Variants in TMEM237 observed in about 807,000 individuals in gnomAD.
TMEM237 encodes transmembrane protein 237.
TMEM237 carries 51 observed loss-of-function variants against 59.1 expected under a neutral mutation model. That is an observed-to-expected ratio of 0.86 (90% confidence interval 0.69 to 1.09). TMEM237 has a LOEUF of 1.09. Among genes scored for constraint, TMEM237 ranks in the 50% least tolerant of loss-of-function variants. The pLI, the probability that TMEM237 is intolerant of heterozygous loss-of-function variation, is 0.00. For missense variants in TMEM237, 475 were observed against 478.3 expected, an observed-to-expected ratio of 0.99 and a Z score of 0.06; for synonymous variants, 140 against 166.1, an observed-to-expected ratio of 0.84 and a Z score of 1.21.
In TMEM237 at chr2:201,624,106, T is replaced by A; in HGVS notation, c.*149A>T. 2.0e-6 allele frequency: 1 copy of A among 500,100 alleles called. No homozygotes were observed. Among genetic ancestry groups the A allele is most frequent in the Non-Finnish European group, 3.4e-6 (1 of 292,748 alleles). 31.0% of individuals were successfully genotyped at this position (500,100 alleles called of 1,614,324 possible). On this transcript the variant is annotated 3_prime_UTR_variant, in exon 13 of 13. Coordinates refer to ENST00000409883, the MANE Select transcript of TMEM237 (RefSeq NM_001044385.3). Reference sequence around the variant, plus strand: ...TAGACATAAACAGCAAACACAATTTTAACATTTTTCATAATATTGAGAGAT... The same window carrying A: ...TAGACATAAACAGCAAACACAATTTAAACATTTTTCATAATATTGAGAGAT...
At chr2:201,626,221 C>T (rs928864245) in intron 11 of TMEM237, 74 bp from the exon 12 acceptor site, 31 of 1,504,342 alleles carry the variant, frequency 2.1e-5, no homozygotes, top group Middle Eastern at 1.7e-4. Context: ...ATTTTATGAA[C>T]TTTAAGAAAA....
At chr2:201,642,661 C>T (rs954081595) in intron 1 of TMEM237, 14 of 1,607,886 alleles carry the variant, frequency 8.7e-6, no homozygotes, top group Non-Finnish European at 1.1e-5. Context: ...CCGCCGGCCC[C>T]CAAGCACCTG....
chr2:201,642,664 AG>A (rs1164872545), intron 1 of TMEM237: 2 of 1,607,374 alleles, frequency 1.2e-6, no homozygotes, highest in Non-Finnish European at 1.7e-6. Context: ...CCGGCCCCCA[AG>A]CACCTGGCGC....
rs1443411958 is a variant in TMEM237, at chr2:201,640,272, C to A, written c.75-7G>T. ...TTAAACTAACTCACCTTGACTAACACGTCATATAACACCAAACAAATTTAA... is the reference window on the plus strand; with the variant it reads ...TTAAACTAACTCACCTTGACTAACAAGTCATATAACACCAAACAAATTTAA... On this transcript the variant is annotated splice_polypyrimidine_tract_variant and splice_region_variant and intron_variant, in intron 2 of 12. Transcript: ENST00000409883. The A allele has an allele frequency of 4.5e-6, 7 of 1,549,544 alleles. No individual in the cohort carries two copies. Among genetic ancestry groups the A allele is most frequent in the African/African-American group, 1.4e-5 (1 of 72,530 alleles).
intron 4 of TMEM237, among the ~76,000 whole-genome samples, chr2:201,637,102 G>GA (rs1687309396): frequency 6.6e-6 from 1 of 152,166 alleles, no homozygotes; most frequent in East Asian, 1.9e-4. Flanking sequence ...GGCTGAGGAA[G>GA]AAAAAACGAG....
In TMEM237 at chr2:201,623,233, T is replaced by C. The variant is rs1156682718; in HGVS notation, c.*1022A>G. On this transcript the variant is annotated 3_prime_UTR_variant, in exon 13 of 13. Transcript: ENST00000409883. The stretch of plus-strand genomic sequence containing the variant: ...AGGGCAGGCTCAATAGTTTTATTGA[T>C]GTGCTCAACAGCCTTTGAAACATTT... 3 of 440,884 alleles carry C rather than the reference T, an allele frequency of 6.8e-6. No individual in the cohort carries two copies. Among genetic ancestry groups the C allele is most frequent in the Non-Finnish European group, 1.4e-5 (3 of 218,640 alleles). The allele number at this position is 440,884 out of a possible 1,614,324, so 27.3% of individuals were successfully genotyped here.
At position 201,633,299 on chromosome 2, in the gene TMEM237, A is replaced by G; in HGVS notation, c.395+12T>C. 1 of 1,594,240 alleles carries G rather than the reference A, an allele frequency of 6.3e-7. No homozygotes were observed. The highest frequency in any genetic ancestry group is 8.5e-7 in the Non-Finnish European group (1 of 1,170,454). On this transcript the variant is annotated intron_variant, in intron 6 of 12. Transcript: ENST00000409883. ...TCCTGGAGAATAGTTAGAAGAATAAATAAATTCCTACTTTGTCTTCCTCCG... is the reference window on the plus strand; with the variant it reads ...TCCTGGAGAATAGTTAGAAGAATAAGTAAATTCCTACTTTGTCTTCCTCCG...
chr2:201,627,765 ATT>A (rs1192587275), intron 10 of TMEM237, among the ~76,000 whole-genome samples: 1 of 152,182 alleles, frequency 6.6e-6, no homozygotes, highest in African/African-American at 2.4e-5. Flanking sequence ...GATATAAAAT[ATT>A]GTTTGTTATT....
intron 12 of TMEM237, 133 bp from the exon 13 acceptor site, chr2:201,624,455 TTTC>T: frequency 4.1e-6 from 2 of 486,522 alleles, no homozygotes; most frequent in Non-Finnish European, 7.0e-6. Flanking sequence ...TCAAGTAAGA[TTTC>T]TTGACAGTGA....
Position 201,643,280 on chromosome 2 carries a change from C to G in TMEM237, c.42+79G>C. 2 of 1,334,882 alleles carry G rather than the reference C, an allele frequency of 1.5e-6. No individual in the cohort carries two copies. Among genetic ancestry groups the G allele is most frequent in the South Asian group, 2.6e-5 (2 of 77,762 alleles). 82.7% of individuals were successfully genotyped at this position (1,334,882 alleles called of 1,614,324 possible). ...TGATTCCCAGCTCGTTGGCGCCCCC[C>G]CACACACACCCACCCCCACTGCCAA... is the stretch of plus-strand genomic sequence containing the variant. On this transcript the variant is annotated intron_variant, in intron 1 of 12. Coordinates refer to ENST00000409883, the MANE Select transcript of TMEM237 (RefSeq NM_001044385.3). This position sits in a 1 kb window ranked among gnomAD's most constrained non-coding sequence, Gnocchi z 4.3.
chr2:201,633,127 G>A (rs942381812), intron 6 of TMEM237, among the ~76,000 whole-genome samples, 184 bp downstream of exon 6: 4 of 151,332 alleles, frequency 2.6e-5, no homozygotes, highest in African/African-American at 9.7e-5. Flanking sequence ...TATTTTCTCA[G>A]TGGTTTACTC....
chr2:201,636,685 G>GT, intron 5 of TMEM237, 63 bp downstream of exon 5: 1 of 1,524,826 alleles, frequency 6.6e-7, no homozygotes, highest in Non-Finnish European at 8.8e-7. Context: ...AAGCAGAGAG[G>GT]TTTTTATCAT....
chr2:201,629,830 A>ACTG lies in TMEM237; in HGVS notation c.575_576insCAG (p.Ser193dup). On this transcript the variant is annotated inframe_insertion, in exon 8 of 13. Transcript: ENST00000409883. ...TTTCTGTGGTCTTTATCAACTCTGA[A>ACTG]CGATCAGCAGCCTGGAATCTCCCTA... The ACTG allele has an allele frequency of 6.2e-7, 1 of 1,612,958 alleles. No individual in the cohort carries two copies. Among genetic ancestry groups the ACTG allele is most frequent in the East Asian group, 2.2e-5 (1 of 44,818 alleles).
At chr2:201,624,545 C>A (rs1451299651) in intron 12 of TMEM237, among the ~76,000 whole-genome samples, 2 of 152,020 alleles carry the variant, frequency 1.3e-5, no homozygotes, top group Admixed American at 1.3e-4. Context: ...AAATTATAGA[C>A]CCCTTAAAAG....
chr2:201,621,808 C>T lies in TMEM237; in HGVS notation c.*2447G>A, dbSNP rs1368174597. On this transcript the variant is annotated 3_prime_UTR_variant, in exon 13 of 13. Transcript: ENST00000409883. ...CTACCAATTGGACTGGATCAGCTTG[C>T]ATGTCAATCTAGTCCACTGTAAGCT... 1 of 152,666 alleles carries T rather than the reference C, an allele frequency of 6.6e-6. No individual in the cohort carries two copies. Among genetic ancestry groups the T allele is most frequent in the Admixed American group, 6.5e-5 (1 of 15,282 alleles). 9.5% of individuals were successfully genotyped at this position (152,666 alleles called of 1,614,324 possible).
Position 201,627,284 on chromosome 2 carries a change from G to A in TMEM237, c.1037+37C>T, listed in dbSNP as rs772872357. On this transcript the variant is annotated intron_variant, in intron 11 of 12. Coordinates refer to ENST00000409883, the MANE Select transcript of TMEM237 (RefSeq NM_001044385.3). ...AAGGATAAGAAAAGTTGCTGTTATT[G>A]CCATTAACAATTGCTAATGTCATTG... The A allele has an allele frequency of 4.8e-6, 7 of 1,445,710 alleles. No homozygotes were observed. In the Admixed American group the frequency reaches 1.1e-4, roughly 23 times the overall value. 89.6% of individuals were successfully genotyped at this position (1,445,710 alleles called of 1,614,324 possible). A position where few individuals can be genotyped will look rare whatever the true frequency, so the allele number is the denominator to read the frequency against.
chr2:201,640,733 T>C (rs1365189782), intron 2 of TMEM237, among the ~76,000 whole-genome samples, 160 bp downstream of exon 2: 2 of 152,194 alleles, frequency 1.3e-5, no homozygotes, highest in African/African-American at 4.8e-5. Flanking sequence ...ATTCTTAAAA[T>C]TCAAGGATTT....
rs1687278010 is a variant in TMEM237, at chr2:201,635,347, A to G, written c.274+1401T>C. Among the ~76,000 whole-genome samples, 1 of 152,224 alleles carries G rather than the reference A, an allele frequency of 6.6e-6. No individual in the cohort carries two copies. Among genetic ancestry groups the G allele is most frequent in the Non-Finnish European group, 1.5e-5 (1 of 68,042 alleles). ...ATGGGCCCTAAATCCAACAACTGATATCCTTATAAGAGGGAAATGTGGACA... is the reference window on the plus strand; with the variant it reads ...ATGGGCCCTAAATCCAACAACTGATGTCCTTATAAGAGGGAAATGTGGACA... On this transcript the variant is annotated intron_variant, in intron 5 of 12. Transcript: ENST00000409883. The surrounding 1 kb of genome is among the most constrained non-coding windows in gnomAD (Gnocchi z 4.5).
chr2:201,639,331 A>C (rs1047985295), intron 3 of TMEM237, among the ~76,000 whole-genome samples: 1 of 152,222 alleles, frequency 6.6e-6, no homozygotes, highest in Non-Finnish European at 1.5e-5. Context: ...CCTTGCACAT[A>C]GGTGTAGTCT....
Sources: gnomAD v4.1 joint callset for allele counts (sites outside exome capture counted in the v4.1 genomes callset) on GRCh38, gnomAD v4.1.1 for gene constraint, Gnocchi (gnomAD v3.1) non-coding constraint, MANE v1.5 for transcripts, NCBI Gene and HGNC (gene_info 2026-07-23, HGNC 2026-07-21) for gene names.